Variants in CCBE1 observed in about 807,000 individuals in gnomAD.
CCBE1 encodes the protein collagen and calcium-binding EGF domain-containing protein 1.
CCBE1 carries 37 observed loss-of-function variants against 50.0 expected under a neutral mutation model. The observed-to-expected ratio is 0.74, with a 90% CI of 0.57 to 0.97. CCBE1 has a LOEUF of 0.97. CCBE1 is among the 50% of genes least tolerant of loss of function. The pLI is 0.00. For missense variants in CCBE1, 538 were observed against 523.8 expected (o/e 1.03, Z -0.26); for synonymous variants, 234 against 203.7 (o/e 1.15, Z -1.27).
chr18:59,668,819 C>CTT (rs34632549), intron 2 of CCBE1, among the ~76,000 whole-genome samples: 7,543 of 99,006 alleles, frequency 0.076, 1,062 homozygotes, highest in African/African-American at 0.27. Flanking sequence ...TTCCATAAGT[C>CTT]TTTTTTTTTT....
At chr18:59,494,778 TAGGCAGCTCCA>T (rs1568170233) in intron 2 of CCBE1, among the ~76,000 whole-genome samples, 1 of 152,172 alleles carries the variant, frequency 6.6e-6, no homozygotes. Context: ...TTTTAGGCTA[TAGGCAGCTCCA>T]GGGCAAGGCA....
At chr18:59,543,853 A>C (rs1050312480) in intron 2 of CCBE1, among the ~76,000 whole-genome samples, 6 of 150,164 alleles carry the variant, frequency 4.0e-5, no homozygotes, top group East Asian at 2.0e-4. Context: ...AAAAAAAAAA[A>C]AAAAACAGAA....
chr18:59,681,729 CT>C (rs2054591101), intron 2 of CCBE1, among the ~76,000 whole-genome samples: 1 of 152,132 alleles, frequency 6.6e-6, no homozygotes, highest in African/African-American at 2.4e-5. Context: ...AGACTTTTTC[CT>C]TTTTAATAAT....
At position 59,508,711 on chromosome 18, in the gene CCBE1, CTT is replaced by C. The variant is rs55881131; in HGVS notation, c.213-28475_213-28474del. 1.4e-3 allele frequency among the ~76,000 whole-genome samples: 133 copies of C among 95,684 alleles called. 2 individuals carry two copies. The highest frequency in any genetic ancestry group is 5.3e-3 in the African/African-American group (117 of 22,080). 62.8% of individuals were successfully genotyped at this position (95,684 alleles called of 152,430 possible). On this transcript the variant is annotated intron_variant, in intron 2 of 10. Transcript: ENST00000439986. ...AGCACAGTACACACATAGAGTTACG[CTT>C]TTTTTTTTTTTTTTTTTTTTGAGGC...
rs528499520 is a variant in CCBE1 at position 59,444,829 on chromosome 18, T to C, written c.775+3154A>G. The stretch of plus-strand genomic sequence containing the variant: ...TGATGTTGAGTATCTTTTAATATGG[T>C]TTTTGGCCATTTGTATGTCTTCTTT... On this transcript the variant is annotated intron_variant, in intron 7 of 10. Transcript: ENST00000439986. 1.9e-3 allele frequency among the ~76,000 whole-genome samples: 289 copies of C among 152,256 alleles called. 3 individuals are homozygous for C. The highest frequency in any genetic ancestry group is 6.8e-3 in the African/African-American group (283 of 41,558).
intron 3 of CCBE1, among the ~76,000 whole-genome samples, chr18:59,479,617 A>G (rs1282018489): frequency 6.6e-6 from 1 of 152,250 alleles, no homozygotes; most frequent in African/African-American, 2.4e-5. Flanking sequence ...AACTTGCCCA[A>G]GGTCAAAGCT....
At position 59,469,468 on chromosome 18, in the gene CCBE1, C is replaced by A; in HGVS notation, c.400+5G>T. The A allele has an allele frequency of 6.2e-7, 1 of 1,614,222 alleles. No homozygotes were observed. Among genetic ancestry groups the A allele is most frequent in the Non-Finnish European group, 8.5e-7 (1 of 1,180,036 alleles). On this transcript the variant is annotated splice_donor_5th_base_variant and intron_variant, in intron 4 of 10. Transcript: ENST00000439986. ...AAGCTGGAAACAAGCACATTCCCAA[C>A]ACACCCAGACAGTATGGCTTCTCCC... is the stretch of plus-strand genomic sequence containing the variant.
intron 2 of CCBE1, among the ~76,000 whole-genome samples, chr18:59,583,302 C>G (rs1336496456): frequency 1.3e-5 from 2 of 152,092 alleles, no homozygotes; most frequent in Admixed American, 6.5e-5. Flanking sequence ...GAACACATAG[C>G]CTAAACTCTA....
At chr18:59,656,508 C>T (rs990580467) in intron 2 of CCBE1, among the ~76,000 whole-genome samples, 2 of 152,040 alleles carry the variant, frequency 1.3e-5, no homozygotes, top group East Asian at 3.9e-4. Context: ...ATTTACCTTC[C>T]GCGGAGCCAA....
At chr18:59,516,414 A>C (rs187347014) in intron 2 of CCBE1, among the ~76,000 whole-genome samples, 106 of 152,308 alleles carry the variant, frequency 7.0e-4, no homozygotes, top group African/African-American at 2.5e-3. Flanking sequence ...GGGGATAAGA[A>C]AGAGCCAGTG....
intron 2 of CCBE1, among the ~76,000 whole-genome samples, chr18:59,581,433 C>G (rs1303619033): frequency 8.4e-6 from 1 of 119,420 alleles, no homozygotes; most frequent in Non-Finnish European, 1.7e-5. Context: ...GAATGAGACT[C>G]CATCTCAAAA....
chr18:59,521,123 G>C (rs1465404896), intron 2 of CCBE1, among the ~76,000 whole-genome samples: 2 of 152,156 alleles, frequency 1.3e-5, no homozygotes, highest in East Asian at 3.8e-4. Context: ...ATAATCTCTT[G>C]TATTATATAT....
In CCBE1 at chr18:59,528,133, T is replaced by A. The variant is rs189936657; in HGVS notation, c.213-47895A>T. On this transcript the variant is annotated intron_variant, in intron 2 of 10. Coordinates refer to ENST00000439986, the MANE Select transcript of CCBE1 (RefSeq NM_133459.4). ...GTACCCCAATCAGTTGTAGGTTCAG[T>A]CTTTTCACATAATCCCATAGTTCTT... is the stretch of plus-strand genomic sequence containing the variant. Among the ~76,000 whole-genome samples, 546 of 152,338 alleles carry A rather than the reference T, an allele frequency of 3.6e-3. 18 individuals carry two copies. The highest frequency in any genetic ancestry group is 0.032 in the Admixed American group (486 of 15,304).
At chr18:59,564,958 T>C (rs553209462) in intron 2 of CCBE1, among the ~76,000 whole-genome samples, 8 of 152,236 alleles carry the variant, frequency 5.3e-5, no homozygotes, top group Admixed American at 2.6e-4. Context: ...CTAAAACCCA[T>C]AAACATGATG....
intron 4 of CCBE1, among the ~76,000 whole-genome samples, chr18:59,468,141 G>A (rs920787598): frequency 1.5e-4 from 23 of 152,272 alleles, no homozygotes; most frequent in South Asian, 6.2e-4. Flanking sequence ...TAATCCCAGC[G>A]CTTTGGGGGG....
chr18:59,673,826 C>T (rs2144715186), intron 2 of CCBE1, among the ~76,000 whole-genome samples: 1 of 152,270 alleles, frequency 6.6e-6, no homozygotes, highest in East Asian at 1.9e-4. Flanking sequence ...TTTGGATGTG[C>T]TGCTGGATTT....
chr18:59,645,949 T>C (rs1235664469), intron 2 of CCBE1, among the ~76,000 whole-genome samples: 2 of 151,746 alleles, frequency 1.3e-5, no homozygotes, highest in Non-Finnish European at 2.9e-5. Flanking sequence ...GAGAATGGTG[T>C]GAACCCGGCA....
chr18:59,492,428 A>G (rs1309373687), intron 2 of CCBE1, among the ~76,000 whole-genome samples: 1 of 152,098 alleles, frequency 6.6e-6, no homozygotes, highest in African/African-American at 2.4e-5. Flanking sequence ...TCATCCCACC[A>G]GGTATGGTCT....
In CCBE1 at chr18:59,445,428, C is replaced by T. The variant is rs56038068; in HGVS notation, c.775+2555G>A. On this transcript the variant is annotated intron_variant, in intron 7 of 10. Coordinates refer to ENST00000439986, the MANE Select transcript of CCBE1 (RefSeq NM_133459.4). ...AGACTGAGAAGATTGTTATACTATA[C>T]TTGTCTCATAATTGTTCTTTTAAAT... 6.5e-3 allele frequency among the ~76,000 whole-genome samples: 983 copies of T among 152,262 alleles called. 10 individuals carry two copies. Among genetic ancestry groups the T allele is most frequent in the Middle Eastern group, 0.01 (3 of 294 alleles).
Sources: allele counts gnomAD v4.1 joint callset (sites outside exome capture counted in the v4.1 genomes callset), GRCh38; gene constraint gnomAD v4.1.1; transcripts MANE v1.5; gene names NCBI Gene and HGNC (gene_info 2026-07-23, HGNC 2026-07-21).